PBLD: variants seen among roughly 807,000 people sequenced by gnomAD.
The protein encoded by PBLD is phenazine biosynthesis-like domain-containing protein.
PBLD carries 26 observed loss-of-function variants against 31.3 expected under a neutral mutation model. The ratio of observed to expected loss-of-function variants is 0.83; its 90% CI spans 0.61 to 1.15. PBLD has a LOEUF of 1.15. Among genes scored for constraint, PBLD ranks in the 50% most tolerant of loss-of-function variants. The pLI is 0.00. For synonymous variants in PBLD, 114 were observed against 129.0 expected (o/e 0.88, Z 0.79); for missense variants, 307 against 351.7 (o/e 0.87, Z 1.02).
intron 1 of PBLD, among the ~76,000 whole-genome samples, chr10:68,317,185 A>G (rs377759577): frequency 6.6e-6 from 1 of 152,358 alleles, no homozygotes. Flanking sequence ...AACAACTGTC[A>G]ACCAAGAATT....
intron 1 of PBLD, among the ~76,000 whole-genome samples, chr10:68,324,802 G>C (rs546266870): frequency 3.3e-4 from 50 of 151,706 alleles, no homozygotes; most frequent in Admixed American, 1.7e-3. Flanking sequence ...TTTTAGTACA[G>C]ACAGGGTCTC....
intron 2 of PBLD, among the ~76,000 whole-genome samples, chr10:68,297,308 A>C (rs891771994): frequency 6.6e-6 from 1 of 152,290 alleles, no homozygotes; most frequent in South Asian, 2.1e-4. Flanking sequence ...TCTCCACACA[A>C]GGAAGTACCC....
chr10:68,327,359 T>C (rs1431766532), intron 1 of PBLD, among the ~76,000 whole-genome samples: 6 of 152,088 alleles, frequency 3.9e-5, no homozygotes, highest in Admixed American at 6.6e-5. Context: ...ATGAGATCTA[T>C]ATTTTTATCT....
chr10:68,317,819 A>G (rs1254175325), intron 1 of PBLD, among the ~76,000 whole-genome samples: 1 of 151,284 alleles, frequency 6.6e-6, no homozygotes, highest in Non-Finnish European at 1.5e-5. Flanking sequence ...CAAACAAACA[A>G]AAAAAATGTA....
chr10:68,296,161 T>A (rs1474396796), intron 4 of PBLD, 105 bp downstream of exon 4: 1 of 830,142 alleles, frequency 1.2e-6, no homozygotes, highest in African/African-American at 1.7e-5. Flanking sequence ...CTCTGCAGAG[T>A]CTTTATACCA....
rs534700614 is a variant in PBLD, at chr10:68,282,726, C to A, written c.*1451G>T. On this transcript the variant is annotated 3_prime_UTR_variant, in exon 10 of 10. Coordinates refer to ENST00000358769, the MANE Select transcript of PBLD (RefSeq NM_022129.4). ...AGATTACTGCTATAATAAATTCACT[C>A]TTACATGCTTTAGCAAAAATCAGTA... 6.6e-6 allele frequency: 1 copy of A among 152,254 alleles called. No individual in the cohort carries two copies. The highest frequency in any genetic ancestry group is 1.9e-4 in the East Asian group (1 of 5,168). The allele number at this position is 152,254 out of a possible 1,614,324, so 9.4% of individuals were successfully genotyped here. A position where few individuals can be genotyped will look rare whatever the true frequency, so the allele number is the denominator to read the frequency against.
At chr10:68,289,663 T>TCTCACACACA (rs1554856848) in intron 6 of PBLD, among the ~76,000 whole-genome samples, 4 of 136,400 alleles carry the variant, frequency 2.9e-5, no homozygotes, top group Admixed American at 2.2e-4. Context: ...AGGCCAAAGA[T>TCTCACACACA]CACACACACA....
At chr10:68,308,471 T>C (rs1302771714) in intron 1 of PBLD, among the ~76,000 whole-genome samples, 1 of 137,790 alleles carries the variant, frequency 7.3e-6, no homozygotes, top group Non-Finnish European at 1.6e-5. Flanking sequence ...ATTTAGACAG[T>C]ATATGAGAGT....
Position 68,283,103 on chromosome 10 carries a change from C to T in PBLD, c.*1074G>A, listed in dbSNP as rs956010141. On this transcript the variant is annotated 3_prime_UTR_variant, in exon 10 of 10. Coordinates refer to ENST00000358769, the MANE Select transcript of PBLD (RefSeq NM_022129.4). ...CTCGCTGTGTTGCCCAGGCTGGTCT[C>T]GAACTCCTAGGTTCAAGTGATCCTC... The T allele has an allele frequency of 1.3e-5, 2 of 150,908 alleles. No homozygotes were observed. The highest frequency in any genetic ancestry group is 2.4e-5 in the African/African-American group (1 of 41,028). The allele number at this position is 150,908 out of a possible 1,614,324, so 9.3% of individuals were successfully genotyped here. A position where few individuals can be genotyped will look rare whatever the true frequency, so the allele number is the denominator to read the frequency against.
chr10:68,314,550 T>C (rs947991301), intron 1 of PBLD, among the ~76,000 whole-genome samples: 1 of 152,080 alleles, frequency 6.6e-6, no homozygotes, highest in African/African-American at 2.4e-5. Flanking sequence ...GAATTGTCAT[T>C]TGACTTGTCT....
intron 3 of PBLD, among the ~76,000 whole-genome samples, chr10:68,296,676 A>C (rs1361934022): frequency 1.3e-5 from 2 of 152,168 alleles, no homozygotes; most frequent in Non-Finnish European, 2.9e-5. Context: ...CCACCTAAAA[A>C]ATAATTTCTG....
At chr10:68,326,884 CA>C (rs2044929875) in intron 1 of PBLD, among the ~76,000 whole-genome samples, 1 of 151,954 alleles carries the variant, frequency 6.6e-6, no homozygotes, top group Non-Finnish European at 1.5e-5. Context: ...CCATCTCTAC[CA>C]AAAACACAAA....
chr10:68,328,394 T>A (rs2044958116), intron 1 of PBLD, among the ~76,000 whole-genome samples: 1 of 152,202 alleles, frequency 6.6e-6, no homozygotes, highest in African/African-American at 2.4e-5. Flanking sequence ...TTTCAATTTC[T>A]TTTTTTCTCT....
intron 1 of PBLD, among the ~76,000 whole-genome samples, chr10:68,324,514 T>A (rs976051093): frequency 3.0e-4 from 45 of 151,938 alleles, no homozygotes; most frequent in Non-Finnish European, 5.1e-4. Flanking sequence ...CTATCCCTAA[T>A]ACCATTGCTC....
chr10:68,324,780 TA>T (rs1220514951), intron 1 of PBLD, among the ~76,000 whole-genome samples: 2 of 151,704 alleles, frequency 1.3e-5, no homozygotes, highest in Non-Finnish European at 2.9e-5. Context: ...ATTGCCCGGC[TA>T]ATTTTTGTAT....
At chr10:68,326,550 A>G (rs541195809) in intron 1 of PBLD, among the ~76,000 whole-genome samples, 3 of 152,214 alleles carry the variant, frequency 2.0e-5, no homozygotes, top group Non-Finnish European at 2.9e-5. Context: ...CTGGCTCCCA[A>G]TGTAGCTCTT....
chr10:68,288,591 C>CT lies in PBLD; in HGVS notation c.582dup (p.Gly195ArgfsTer7). 6.2e-7 allele frequency: 1 copy of CT among 1,614,184 alleles called. No individual in the cohort carries two copies. Among genetic ancestry groups the CT allele is most frequent in the Admixed American group, 1.7e-5 (1 of 60,010 alleles). Reference sequence around the variant, plus strand: ...TCTCCTTTAAGGGTAAGAATAAGCCCTTTCACCTTCCCTGTGTTTTCAACT... The same window carrying CT: ...TCTCCTTTAAGGGTAAGAATAAGCCCTTTTCACCTTCCCTGTGTTTTCAACT... On this transcript the variant is annotated frameshift_variant, in exon 8 of 10. Coordinates refer to ENST00000358769, the MANE Select transcript of PBLD (RefSeq NM_022129.4). LOFTEE classifies it high-confidence loss of function.
At chr10:68,288,437 T>C (rs769402084) in intron 8 of PBLD, 46 bp downstream of exon 8, 1 of 1,585,388 alleles carries the variant, frequency 6.3e-7, no homozygotes, top group Non-Finnish European at 8.6e-7. Context: ...TTTGTGATCC[T>C]CCTCTTCCAT....
rs1400526082 is a variant in PBLD, at chr10:68,284,078, A to G, written c.*99T>C. ...TCGATTTTTAACATGAGGATTAAGT[A>G]GACTACTACGCACATTTGCTAAAGG... On this transcript the variant is annotated 3_prime_UTR_variant, in exon 10 of 10. Coordinates refer to ENST00000358769, the MANE Select transcript of PBLD (RefSeq NM_022129.4). 8.9e-7 allele frequency: 1 copy of G among 1,125,718 alleles called. No individual in the cohort carries two copies. The highest frequency in any genetic ancestry group is 2.4e-5 in the East Asian group (1 of 41,780). The allele number at this position is 1,125,718 out of a possible 1,614,324, so 69.7% of individuals were successfully genotyped here. A position where few individuals can be genotyped will look rare whatever the true frequency, so the allele number is the denominator to read the frequency against.
Sources: gnomAD v4.1 joint callset for allele counts (sites outside exome capture counted in the v4.1 genomes callset) on GRCh38, gnomAD v4.1.1 for gene constraint, MANE v1.5 for transcripts, NCBI Gene and HGNC (gene_info 2026-07-23, HGNC 2026-07-21) for gene names.